PLEKHM3: variants seen among roughly 807,000 people sequenced by gnomAD.
PLEKHM3 encodes the protein pleckstrin homology domain-containing family M member 3.
PLEKHM3 carries 45 observed loss-of-function variants against 81.8 expected under a neutral mutation model. That is an observed-to-expected ratio of 0.55 (90% CI 0.43 to 0.71). PLEKHM3 has a LOEUF of 0.71. Among genes scored for constraint, PLEKHM3 ranks in the 30% least tolerant of loss-of-function variants. The pLI, the probability that PLEKHM3 is intolerant of heterozygous loss-of-function variation, is 0.00. For synonymous variants in PLEKHM3, 352 were observed against 356.4 expected (o/e 0.99, Z 0.14); for missense variants, 788 against 924.3 (o/e 0.85, Z 1.91).
At chr2:207,997,084 G>C (rs961449708) in intron 2 of PLEKHM3, among the ~76,000 whole-genome samples, 1 of 151,854 alleles carries the variant, frequency 6.6e-6, no homozygotes, top group Non-Finnish European at 1.5e-5. Context: ...GTAAGTACTA[G>C]AGCAAAGTTG....
At position 208,001,095 on chromosome 2, in the gene PLEKHM3, T is replaced by A. The variant is rs77515942; in HGVS notation, c.545A>T (p.His182Leu). The stretch of plus-strand genomic sequence containing the variant: ...CAACAGAAAAGATGGCCTGGTGACA[T>A]GCGGGCCTTGAAGCAATGGCTGCTG... Reference protein sequence around the residue: ...QQQQPLLQGPHVTRPSFLLPS... With the variant: ...QQQQPLLQGPLVTRPSFLLPS... Residue 182 changes from histidine to leucine, a missense_variant, in exon 2 of 8, where the codon CAT becomes CTT. Physicochemically the swap from His to Leu is moderately conservative, Grantham distance 99. Transcript: ENST00000427836. The A allele has an allele frequency of 4.4e-6, 7 of 1,579,288 alleles. No individual in the cohort carries two copies. In the African/African-American group the frequency reaches 8.1e-5, roughly 18 times the overall value.
intron 5 of PLEKHM3, among the ~76,000 whole-genome samples, chr2:207,923,906 T>TATATA (rs1491270678): frequency 3.0e-4 from 18 of 59,710 alleles, no homozygotes; most frequent in African/African-American, 1.1e-3. Flanking sequence ...TATATATATA[T>TATATA]TTTTTTTTTT....
At chr2:207,971,207 G>A (rs1691109006) in intron 3 of PLEKHM3, among the ~76,000 whole-genome samples, 1 of 152,202 alleles carries the variant, frequency 6.6e-6, no homozygotes, top group Non-Finnish European at 1.5e-5. Flanking sequence ...AAGGTTTCTT[G>A]ATTGCTAGGA....
chr2:208,006,214 C>G lies in PLEKHM3; in HGVS notation c.-318-4257G>C, dbSNP rs143509557. On this transcript the variant is annotated intron_variant, in intron 1 of 7. Transcript: ENST00000427836. The stretch of plus-strand genomic sequence containing the variant: ...AGCTCTATAGCCCTCAAATTCACTA[C>G]AGTACAACAGTCTGATGTCAAGTTT... Among the ~76,000 whole-genome samples, 17 of 152,326 alleles carry G rather than the reference C, an allele frequency of 1.1e-4. No individual in the cohort carries two copies. The East Asian group carries it at 3.1e-3, about 28-fold the overall frequency.
intron 5 of PLEKHM3, among the ~76,000 whole-genome samples, chr2:207,909,053 C>T (rs193049913): frequency 2.6e-5 from 4 of 152,126 alleles, no homozygotes; most frequent in African/African-American, 7.2e-5. Flanking sequence ...AGTGGCCACT[C>T]GTGTCTAGAG....
At chr2:207,862,650 A>G (rs2092473677) in intron 6 of PLEKHM3, among the ~76,000 whole-genome samples, 1 of 152,172 alleles carries the variant, frequency 6.6e-6, no homozygotes, top group Non-Finnish European at 1.5e-5. Flanking sequence ...AAAAAAGAAA[A>G]GAAAAAGAAA....
chr2:207,906,563 C>T (rs755382245), intron 6 of PLEKHM3, among the ~76,000 whole-genome samples: 12 of 152,022 alleles, frequency 7.9e-5, no homozygotes, highest in South Asian at 6.2e-4. Flanking sequence ...CTGAGGCAGG[C>T]GGATCACTTG....
In PLEKHM3 at chr2:207,940,034, A is replaced by G. The variant is rs145557303; in HGVS notation, c.1692+6333T>C. Among the ~76,000 whole-genome samples the G allele has an allele frequency of 2.7e-3, 414 of 152,298 alleles. 6 individuals carry two copies. Among genetic ancestry groups the G allele is most frequent in the African/African-American group, 9.5e-3 (393 of 41,560 alleles). ...GGGAACATCTGGTGAGTGTGATGTG[A>G]TAAGGCCAATTTGGGAACTGTTGAG... On this transcript the variant is annotated intron_variant, in intron 4 of 7. Coordinates refer to ENST00000427836, the MANE Select transcript of PLEKHM3 (RefSeq NM_001080475.3).
intron 7 of PLEKHM3, among the ~76,000 whole-genome samples, chr2:207,840,721 G>A (rs2092345472): frequency 6.7e-6 from 1 of 150,288 alleles, no homozygotes; most frequent in Admixed American, 6.6e-5. Flanking sequence ...ACTTCGTCAT[G>A]TGTTGAAATT....
At chr2:208,014,642 T>C (rs894410384) in intron 1 of PLEKHM3, among the ~76,000 whole-genome samples, 1 of 152,142 alleles carries the variant, frequency 6.6e-6, no homozygotes, top group Non-Finnish European at 1.5e-5. Flanking sequence ...AGACTCCATC[T>C]CAAAAAACAA....
Position 207,931,011 on chromosome 2 carries a change from C to A in PLEKHM3, c.1801G>T (p.Val601Leu), listed in dbSNP as rs372815847. The part of the protein sequence containing the change: ...LYHHAEPLAA[V>L]LRLRQRLKSL... ...TTCAGCCGCTGCCGCAGCCGCAGCA[C>A]GGCGGCCAGCGGCTCTGCGTGGTGG... Residue 601 changes from valine to leucine, a missense_variant, in exon 5 of 8, where the codon GTG (valine) becomes TTG (leucine). Transcript: ENST00000427836. The A allele has an allele frequency of 6.2e-7, 1 of 1,614,000 alleles. No individual in the cohort carries two copies. Among genetic ancestry groups the A allele is most frequent in the South Asian group, 1.1e-5 (1 of 91,072 alleles).
chr2:207,984,926 ACCT>A (rs1691665616), intron 2 of PLEKHM3, among the ~76,000 whole-genome samples: 1 of 146,408 alleles, frequency 6.8e-6, no homozygotes, highest in African/African-American at 2.5e-5. Context: ...TGCTACTTGG[ACCT>A]CAAGGTTCAG....
intron 6 of PLEKHM3, among the ~76,000 whole-genome samples, chr2:207,894,609 T>C (rs1688161737): frequency 6.6e-6 from 1 of 152,112 alleles, no homozygotes; most frequent in African/African-American, 2.4e-5. Flanking sequence ...GTGGATTTGA[T>C]AGCAATTTGC....
At chr2:207,926,465 G>A (rs1689397578) in intron 5 of PLEKHM3, among the ~76,000 whole-genome samples, 1 of 152,162 alleles carries the variant, frequency 6.6e-6, no homozygotes, top group African/African-American at 2.4e-5. Flanking sequence ...CTTCCTAGCA[G>A]TTCTTAACGT....
At chr2:207,890,787 C>T (rs553955148) in intron 6 of PLEKHM3, among the ~76,000 whole-genome samples, 42 of 152,244 alleles carry the variant, frequency 2.8e-4, no homozygotes, top group African/African-American at 9.9e-4. Context: ...TTTGCTTCTT[C>T]TATTAGGCCA....
rs141148191 is a variant in PLEKHM3 at position 207,923,426 on chromosome 2, G to A, written c.1886+7500C>T. 3.6e-3 allele frequency among the ~76,000 whole-genome samples: 553 copies of A among 152,180 alleles called. 4 individuals carry two copies. The highest frequency in any genetic ancestry group is 6.1e-3 in the Non-Finnish European group (418 of 68,002). ...AGTTCAAGACCAGCCTGACAAACAT[G>A]GAGAAACCCTGTCTCTACAAAAAAC... On this transcript the variant is annotated intron_variant, in intron 5 of 7. Coordinates refer to ENST00000427836, the MANE Select transcript of PLEKHM3 (RefSeq NM_001080475.3).
At chr2:207,929,153 G>A (rs1689503931) in intron 5 of PLEKHM3, among the ~76,000 whole-genome samples, 1 of 152,140 alleles carries the variant, frequency 6.6e-6, no homozygotes, top group African/African-American at 2.4e-5. Context: ...GAAAAATATA[G>A]GGAAAAGGGA....
intron 5 of PLEKHM3, among the ~76,000 whole-genome samples, chr2:207,930,723 T>C (rs1689562383): frequency 6.6e-6 from 1 of 152,184 alleles, no homozygotes; most frequent in African/African-American, 2.4e-5. Flanking sequence ...ATTTTCATTT[T>C]GCTTGGCTTA....
chr2:207,996,234 T>C (rs977653657), intron 2 of PLEKHM3, among the ~76,000 whole-genome samples: 1 of 152,124 alleles, frequency 6.6e-6, no homozygotes, highest in Non-Finnish European at 1.5e-5. Context: ...TTTTCTCTTA[T>C]CAGGGCAGCT....
Sources: allele counts gnomAD v4.1 joint callset (sites outside exome capture counted in the v4.1 genomes callset), GRCh38; gene constraint gnomAD v4.1.1; transcripts MANE v1.5; gene names NCBI Gene and HGNC (gene_info 2026-07-23, HGNC 2026-07-21).